The following ILRUN variants were observed in gnomAD, a reference collection of about 807,000 sequenced individuals.
ILRUN encodes protein ILRUN.
ILRUN carries 3 observed loss-of-function variants against 33.8 expected under a neutral mutation model. The observed-to-expected ratio is 0.09, with a 90% confidence interval of 0.04 to 0.23. The LOEUF is 0.23. Among genes scored for constraint, ILRUN ranks in the 10% least tolerant of loss-of-function variants. The pLI, the probability that ILRUN is intolerant of heterozygous loss-of-function variation, is 1.00. For missense variants in ILRUN, 210 were observed against 375.1 expected, an observed-to-expected ratio of 0.56 and a Z score of 3.64; for synonymous variants, 124 against 138.9, an observed-to-expected ratio of 0.89 and a Z score of 0.75.
At chr6:34,647,619 A>T (rs1219340072) in intron 2 of ILRUN, among the ~76,000 whole-genome samples, 2 of 152,110 alleles carry the variant, frequency 1.3e-5, no homozygotes, top group African/African-American at 4.8e-5. Context: ...GAGTACAATG[A>T]ATGGTACAAT....
chr6:34,689,682 G>A (rs1763607076), intron 1 of ILRUN, among the ~76,000 whole-genome samples: 2 of 151,944 alleles, frequency 1.3e-5, no homozygotes, highest in South Asian at 4.2e-4. Flanking sequence ...AACAGGCAAA[G>A]AAGGTAATAC....
At chr6:34,690,226 T>C (rs9469847) in intron 1 of ILRUN, among the ~76,000 whole-genome samples, 32,885 of 152,026 alleles carry the variant, frequency 0.22, 4,833 homozygotes, top group African/African-American at 0.42. Context: ...TTTGGGAGGC[T>C]GAGGCAGGCA....
intron 1 of ILRUN, among the ~76,000 whole-genome samples, chr6:34,676,227 G>C (rs1763226065): frequency 6.7e-6 from 1 of 148,312 alleles, no homozygotes; most frequent in Non-Finnish European, 1.5e-5. Context: ...AACATAGCAA[G>C]ACATTGTCTC....
intron 3 of ILRUN, among the ~76,000 whole-genome samples, chr6:34,615,830 G>C (rs1200601586): frequency 6.6e-6 from 1 of 152,130 alleles, no homozygotes; most frequent in African/African-American, 2.4e-5. Context: ...TTTCCCAGTA[G>C]AGCATTACAG....
chr6:34,610,461 G>C (rs188216359), intron 3 of ILRUN, among the ~76,000 whole-genome samples: 1 of 152,114 alleles, frequency 6.6e-6, no homozygotes, highest in Non-Finnish European at 1.5e-5. Context: ...TCTACTATTT[G>C]TTTTTCCCAA....
chr6:34,673,899 C>CCACACACA (rs1424165638), intron 1 of ILRUN, among the ~76,000 whole-genome samples: 1 of 91,264 alleles, frequency 1.1e-5, no homozygotes, highest in Non-Finnish European at 2.0e-5. Flanking sequence ...ACAGTAACAA[C>CCACACACA]CACATACACA....
chr6:34,667,113 A>G (rs1763022818), intron 1 of ILRUN, among the ~76,000 whole-genome samples: 3 of 152,230 alleles, frequency 2.0e-5, no homozygotes, highest in Admixed American at 1.3e-4. Context: ...AAATCTATCT[A>G]TAGTTTATTC....
chr6:34,602,732 C>A (rs552040431), intron 4 of ILRUN, among the ~76,000 whole-genome samples: 2 of 152,302 alleles, frequency 1.3e-5, no homozygotes, highest in East Asian at 1.9e-4. Flanking sequence ...AAGCAGGGAG[C>A]CAGATTTATG....
Position 34,587,841 on chromosome 6 carries a change from T to C in ILRUN, c.*2724A>G. On this transcript the variant is annotated 3_prime_UTR_variant, in exon 5 of 5. Transcript: ENST00000374023. Reference sequence around the variant, plus strand: ...CACTCCATGCACACTGACAGATTCTTCCCAAGTCTGAACCCCTCTGTCTCC... The same window carrying C: ...CACTCCATGCACACTGACAGATTCTCCCCAAGTCTGAACCCCTCTGTCTCC... 2.6e-6 allele frequency: 1 copy of C among 390,082 alleles called. No individual in the cohort carries two copies. The highest frequency in any genetic ancestry group is 3.6e-5 in the East Asian group (1 of 27,526). The allele number at this position is 390,082 out of a possible 1,614,324, so 24.2% of individuals were successfully genotyped here. A position where few individuals can be genotyped will look rare whatever the true frequency, so the allele number is the denominator to read the frequency against.
In ILRUN at chr6:34,596,214, G is replaced by A. The variant is rs1761396412; in HGVS notation, c.862-5614C>T. On this transcript the variant is annotated intron_variant, in intron 4 of 4. Coordinates refer to ENST00000374023, the MANE Select transcript of ILRUN (RefSeq NM_024294.4). ...CCTTAATGCCTTCTGACTACTCCGG[G>A]AGGCTTGCTGGTGGCACAGCAGGAC... Among the ~76,000 whole-genome samples, 5 of 152,218 alleles carry A rather than the reference G, an allele frequency of 3.3e-5. No individual in the cohort carries two copies. The South Asian group carries it at 1.0e-3, about 32-fold the overall frequency.
Position 34,696,610 on chromosome 6 carries a change from G to C in ILRUN, c.-7C>G. 2 of 1,597,602 alleles carry C rather than the reference G, an allele frequency of 1.3e-6. No individual in the cohort carries two copies. Among genetic ancestry groups the C allele is most frequent in the Non-Finnish European group, 1.7e-6 (2 of 1,174,678 alleles). On this transcript the variant is annotated 5_prime_UTR_variant, in exon 1 of 5. Transcript: ENST00000374023. ...CTACGTCCATGCCCTCCATGGCGGGGACCGGACACCCGCTTCCCCGCCTCT... is the reference window on the plus strand; with the variant it reads ...CTACGTCCATGCCCTCCATGGCGGGCACCGGACACCCGCTTCCCCGCCTCT...
At position 34,686,100 on chromosome 6, in the gene ILRUN, T is replaced by C. The variant is rs528401400; in HGVS notation, c.158+10346A>G. Among the ~76,000 whole-genome samples the C allele has an allele frequency of 2.6e-5, 4 of 152,096 alleles. No homozygotes were observed. The South Asian group carries it at 8.3e-4, about 32-fold the overall frequency. On this transcript the variant is annotated intron_variant, in intron 1 of 4. Transcript: ENST00000374023. Reference sequence around the variant, plus strand: ...ATGGACCTCAGCACATTAGAAACATTTGTGAATCATAGGACATTGTCAAGA... The same window carrying C: ...ATGGACCTCAGCACATTAGAAACATCTGTGAATCATAGGACATTGTCAAGA...
At position 34,674,836 on chromosome 6, in the gene ILRUN, G is replaced by GATC. The variant is rs988672214; in HGVS notation, c.159-20060_159-20058dup. Among the ~76,000 whole-genome samples the GATC allele has an allele frequency of 3.2e-3, 482 of 152,096 alleles. 4 individuals are homozygous for GATC. The highest frequency in any genetic ancestry group is 2.9e-3 in the Non-Finnish European group (197 of 67,986). On this transcript the variant is annotated intron_variant, in intron 1 of 4. Coordinates refer to ENST00000374023, the MANE Select transcript of ILRUN (RefSeq NM_024294.4). ...AGCACTTTGGGAGGCCAGGCAGGAGGATCAGTTGAGCCCAGGAGTTCACAA... is the reference window on the plus strand; with the variant it reads ...AGCACTTTGGGAGGCCAGGCAGGAGGATCATCAGTTGAGCCCAGGAGTTCACAA...
At chr6:34,598,829 C>T (rs1030996170) in intron 4 of ILRUN, among the ~76,000 whole-genome samples, 6 of 152,204 alleles carry the variant, frequency 3.9e-5, no homozygotes, top group African/African-American at 1.4e-4. Flanking sequence ...CCAATGTAAA[C>T]ACCAGCAAGG....
intron 1 of ILRUN, among the ~76,000 whole-genome samples, chr6:34,655,777 T>A (rs1434262721): frequency 6.6e-6 from 1 of 152,212 alleles, no homozygotes; most frequent in Non-Finnish European, 1.5e-5. Flanking sequence ...CAATAAAAGT[T>A]GTACGCTAAT....
intron 2 of ILRUN, among the ~76,000 whole-genome samples, chr6:34,651,018 A>G (rs1041235644): frequency 6.6e-6 from 1 of 152,154 alleles, no homozygotes; most frequent in Non-Finnish European, 1.5e-5. Flanking sequence ...TTACTACTCT[A>G]TTTACAGAAA....
At position 34,587,361 on chromosome 6, in the gene ILRUN, A is replaced by G. The variant is rs1761213736; in HGVS notation, c.*3204T>C. The G allele has an allele frequency of 6.6e-6, 1 of 152,562 alleles. No individual in the cohort carries two copies. Among genetic ancestry groups the G allele is most frequent in the African/African-American group, 2.4e-5 (1 of 41,406 alleles). 9.5% of individuals were successfully genotyped at this position (152,562 alleles called of 1,614,324 possible). On this transcript the variant is annotated 3_prime_UTR_variant, in exon 5 of 5. Coordinates refer to ENST00000374023, the MANE Select transcript of ILRUN (RefSeq NM_024294.4). ...AATAAGGAAAAACCTCCTCATCTTT[A>G]TCTCCTCCTAGGCACCATGAGGCCC...
At chr6:34,607,503 T>C (rs147001361) in intron 3 of ILRUN, among the ~76,000 whole-genome samples, 6 of 152,220 alleles carry the variant, frequency 3.9e-5, no homozygotes, top group African/African-American at 1.2e-4. Context: ...ACCAAGAATT[T>C]GGCATGCCTC....
intron 3 of ILRUN, among the ~76,000 whole-genome samples, chr6:34,645,715 C>T (rs758102190): frequency 9.2e-5 from 14 of 152,092 alleles, no homozygotes; most frequent in Non-Finnish European, 1.9e-4. Flanking sequence ...CTGCCCATAA[C>T]GAGTTAAAAC....
Sources: gnomAD v4.1 joint callset for allele counts (sites outside exome capture counted in the v4.1 genomes callset) on GRCh38, gnomAD v4.1.1 for gene constraint, MANE v1.5 for transcripts, NCBI Gene and HGNC (gene_info 2026-07-23, HGNC 2026-07-21) for gene names.